HNF4G: variants seen among roughly 807,000 people sequenced by gnomAD.
HNF4G encodes hepatocyte nuclear factor 4-gamma.
In HNF4G, 21 loss-of-function variants were observed where a neutral mutation model predicts 50.9. That is an observed-to-expected ratio of 0.41 (90% CI 0.29 to 0.59). The LOEUF (loss-of-function observed/expected upper bound fraction) is 0.59. Among genes scored for constraint, HNF4G ranks in the 20% least tolerant of loss-of-function variants. HNF4G has a pLI of 0.26. For missense variants in HNF4G, 527 were observed against 559.4 expected (o/e 0.94, Z 0.58); for synonymous variants, 198 against 185.6 (o/e 1.07, Z -0.54).
At chr8:75,433,543 A>G (rs1335472039) in intron 1 of HNF4G, among the ~76,000 whole-genome samples, 1 of 151,978 alleles carries the variant, frequency 6.6e-6, no homozygotes, top group East Asian at 1.9e-4. Flanking sequence ...TAAATGTTTT[A>G]CTATTACTAT....
At chr8:75,416,577 T>A (rs1810640799) in intron 1 of HNF4G, among the ~76,000 whole-genome samples, 1 of 152,036 alleles carries the variant, frequency 6.6e-6, no homozygotes, top group Non-Finnish European at 1.5e-5. Context: ...AAGGTAAAAA[T>A]GATTTTAATA....
chr8:75,497,863 GT>G (rs1396773784), intron 2 of HNF4G, among the ~76,000 whole-genome samples: 1 of 151,808 alleles, frequency 6.6e-6, no homozygotes, highest in Non-Finnish European at 1.5e-5. Context: ...CTTTGATTTT[GT>G]TGTAAAATGT....
chr8:75,448,503 C>T (rs76143583), intron 1 of HNF4G, among the ~76,000 whole-genome samples: 1 of 67,316 alleles, frequency 1.5e-5, no homozygotes, highest in Non-Finnish European at 3.2e-5. Flanking sequence ...AAAAAAAAAA[C>T]AAATACCTTA....
chr8:75,514,528 T>C (rs1270753687), intron 2 of HNF4G, among the ~76,000 whole-genome samples: 1 of 151,878 alleles, frequency 6.6e-6, no homozygotes, highest in Non-Finnish European at 1.5e-5. Context: ...AATTTTTGTA[T>C]TTTTAGTAGA....
At chr8:75,431,821 G>A (rs2130520196) in intron 1 of HNF4G, among the ~76,000 whole-genome samples, 1 of 151,974 alleles carries the variant, frequency 6.6e-6, no homozygotes, top group South Asian at 2.1e-4. Flanking sequence ...AGCTACTCGG[G>A]AGGCTGAGGC....
intron 1 of HNF4G, among the ~76,000 whole-genome samples, chr8:75,467,661 G>GAA (rs371678463): frequency 1.3e-4 from 16 of 127,566 alleles, no homozygotes; most frequent in South Asian, 2.4e-4. Flanking sequence ...TCTGTCTCAG[G>GAA]AAAAAAAAAA....
At chr8:75,444,035 C>G (rs931253847) in intron 1 of HNF4G, among the ~76,000 whole-genome samples, 1 of 152,054 alleles carries the variant, frequency 6.6e-6, no homozygotes, top group Admixed American at 6.6e-5. Flanking sequence ...AGAGAAAGGT[C>G]GGGTTACCCT....
intron 1 of HNF4G, among the ~76,000 whole-genome samples, chr8:75,461,280 C>CT (rs1490095769): frequency 6.6e-6 from 1 of 152,058 alleles, no homozygotes; most frequent in Non-Finnish European, 1.5e-5. Context: ...TTTTCCTTCC[C>CT]TTTTTTAGCT....
At chr8:75,481,964 T>C (rs1812391604) in intron 1 of HNF4G, among the ~76,000 whole-genome samples, 2 of 152,176 alleles carry the variant, frequency 1.3e-5, no homozygotes, top group African/African-American at 4.8e-5. Flanking sequence ...ATTTTGTGAA[T>C]TTTGTTGGAA....
chr8:75,547,661 G>T lies in HNF4G; in HGVS notation c.362G>T (p.Arg121Ile). ...CRYCRLRKCF[R>I]AGMKKEAVQN... ...TATTGTCGATTAAGAAAGTGTTTTA[G>T]AGCGGGAATGAAAAAAGAAGGTAAT... The change falls in exon 3 of 10, where the codon AGA becomes ATA. Residue 121 changes from arginine to isoleucine, a missense_variant. Physicochemically the swap from Arg to Ile is moderately conservative, Grantham distance 97 (BLOSUM62 -3). Coordinates refer to ENST00000396423, the MANE Select transcript of HNF4G (RefSeq NM_004133.5). 3.8e-6 allele frequency: 6 copies of T among 1,599,702 alleles called. No homozygotes were observed. The highest frequency in any genetic ancestry group is 5.1e-6 in the Non-Finnish European group (6 of 1,167,058).
chr8:75,412,187 T>C (rs781746413), intron 1 of HNF4G, among the ~76,000 whole-genome samples: 47 of 152,202 alleles, frequency 3.1e-4, no homozygotes, highest in Admixed American at 5.9e-4. Flanking sequence ...AGAGAGTCTC[T>C]AATTTCTTGG....
chr8:75,435,734 C>G (rs920670291), intron 1 of HNF4G, among the ~76,000 whole-genome samples: 8 of 152,160 alleles, frequency 5.3e-5, no homozygotes, highest in African/African-American at 1.9e-4. Flanking sequence ...GCTGGGATTA[C>G]AGGCATGCAC....
At chr8:75,526,043 T>C (rs947646224) in intron 2 of HNF4G, among the ~76,000 whole-genome samples, 1 of 152,178 alleles carries the variant, frequency 6.6e-6, no homozygotes, top group Admixed American at 6.5e-5. Context: ...TCAGGACTCA[T>C]GTAAATAGAA....
chr8:75,555,216 T>C (rs1317262094), intron 5 of HNF4G, among the ~76,000 whole-genome samples: 4 of 152,332 alleles, frequency 2.6e-5, no homozygotes, highest in Middle Eastern at 3.4e-3. Flanking sequence ...CACTAGAATT[T>C]ACTGCAGAGT....
At chr8:75,449,894 G>T (rs1401132639) in intron 1 of HNF4G, among the ~76,000 whole-genome samples, 4 of 152,162 alleles carry the variant, frequency 2.6e-5, no homozygotes, top group African/African-American at 4.8e-5. Flanking sequence ...TCTATTCTCA[G>T]CAATTTTTAA....
chr8:75,407,932 G>A (rs1810401625), upstream of HNF4G: 1 of 152,090 alleles, frequency 6.6e-6, no homozygotes, highest in Non-Finnish European at 1.5e-5. Flanking sequence ...GCGGCTGACT[G>A]CGACTCGGGA....
rs1318291053 is a variant in HNF4G, at chr8:75,564,885, A to G, written c.*789A>G. The G allele has an allele frequency of 6.6e-6, 1 of 152,190 alleles. No homozygotes were observed. The highest frequency in any genetic ancestry group is 6.5e-5 in the Admixed American group (1 of 15,280). The allele number at this position is 152,190 out of a possible 1,614,324, so 9.4% of individuals were successfully genotyped here. A position where few individuals can be genotyped will look rare whatever the true frequency, so the allele number is the denominator to read the frequency against. On this transcript the variant is annotated 3_prime_UTR_variant, in exon 10 of 10. Coordinates refer to ENST00000396423, the MANE Select transcript of HNF4G (RefSeq NM_004133.5). ...AATAGTTATCCATTGACTAGAAATT[A>G]GTACATGCCCACAGCTGGCTCCCAC... is the stretch of plus-strand genomic sequence containing the variant.
At chr8:75,523,568 CTATG>C (rs1186985771) in intron 2 of HNF4G, among the ~76,000 whole-genome samples, 1 of 152,082 alleles carries the variant, frequency 6.6e-6, no homozygotes, top group African/African-American at 2.4e-5. Flanking sequence ...AGAGAGGTAT[CTATG>C]TGAGTCATTT....
At chr8:75,454,061 C>T (rs1265247630) in intron 1 of HNF4G, among the ~76,000 whole-genome samples, 2 of 150,196 alleles carry the variant, frequency 1.3e-5, no homozygotes, top group Non-Finnish European at 3.0e-5. Flanking sequence ...CTCCCTCCCT[C>T]CCTCTCTTCC....
Sources: allele counts gnomAD v4.1 joint callset (sites outside exome capture counted in the v4.1 genomes callset), GRCh38; gene constraint gnomAD v4.1.1; transcripts MANE v1.5; gene names NCBI Gene and HGNC (gene_info 2026-07-23, HGNC 2026-07-21).